CSF1R: variants seen among roughly 807,000 people sequenced by gnomAD.
The protein encoded by CSF1R is colony stimulating factor 1 receptor, also known as macrophage colony-stimulating factor 1 receptor.
A neutral mutation model predicts 110.0 loss-of-function variants in CSF1R; 40 were observed. The observed-to-expected ratio is 0.36, with a 90% CI of 0.28 to 0.47. CSF1R has a LOEUF of 0.47. Ranked by LOEUF, CSF1R falls within the 20% of genes least tolerant of loss-of-function variation. The pLI, the probability that CSF1R is intolerant of heterozygous loss-of-function variation, is 0.99. For synonymous variants in CSF1R, 523 were observed against 503.4 expected (o/e 1.04, Z -0.52); for missense variants, 1,052 against 1,253.0 (o/e 0.84, Z 2.42).
Position 150,054,081 on chromosome 5 carries a change from A to ATAGT in CSF1R, c.2903_2906dup (p.Tyr969Ter). 1 of 1,614,002 alleles carries ATAGT rather than the reference A, an allele frequency of 6.2e-7. No homozygotes were observed. The highest frequency in any genetic ancestry group is 8.5e-7 in the Non-Finnish European group (1 of 1,179,988). On this transcript the variant is annotated stop_gained and frameshift_variant, in exon 21 of 21. Coordinates refer to ENST00000675795, the MANE Select transcript of CSF1R (RefSeq NM_001288705.3). LOFTEE classifies it high-confidence loss of function. ...TGTCGTCAACTCCTCAGCAGAACTG[A>ATAGT]TAGTTGTTGGGCTGCAGCAAGGGCT...
chr5:150,078,745 AC>A (rs1331691593), intron 3 of CSF1R, among the ~76,000 whole-genome samples: 1 of 151,956 alleles, frequency 6.6e-6, no homozygotes, highest in Non-Finnish European at 1.5e-5. Flanking sequence ...CTTTCCTACC[AC>A]AGGGCCTTTG....
chr5:150,108,195 T>A (rs960501069), intron 1 of CSF1R, among the ~76,000 whole-genome samples: 4 of 152,132 alleles, frequency 2.6e-5, no homozygotes, highest in Admixed American at 2.6e-4. Flanking sequence ...TGAGGGCCCA[T>A]AAGAGGCACA....
At chr5:150,061,700 G>A (rs569839270) in intron 11 of CSF1R, 23 bp downstream of exon 11, 17 of 1,614,186 alleles carry the variant, frequency 1.1e-5, no homozygotes, top group African/African-American at 9.3e-5. Context: ...AGGAAGCTGT[G>A]GAGTGATGAG....
rs1414905861 is a variant in CSF1R at position 150,085,278 on chromosome 5, A to G, written c.49+1101T>C. ...TGACAGAGAGAGACTCTGTCTCAGG[A>G]AAAAAAAAAAAAAAACCCAAATACT... On this transcript the variant is annotated intron_variant, in intron 1 of 20. Transcript: ENST00000675795. Among the ~76,000 whole-genome samples the G allele has an allele frequency of 1.5e-4, 9 of 58,140 alleles. No individual in the cohort carries two copies. The East Asian group carries it at 1.6e-3, about 10-fold the overall frequency. 38.1% of individuals were successfully genotyped at this position (58,140 alleles called of 152,430 possible). A position where few individuals can be genotyped will look rare whatever the true frequency, so the allele number is the denominator to read the frequency against.
intron 1 of CSF1R, among the ~76,000 whole-genome samples, chr5:150,105,340 T>A (rs1343375052): frequency 2.3e-4 from 26 of 114,090 alleles, no homozygotes; most frequent in South Asian, 9.9e-4. Context: ...AGAGAGAGAC[T>A]CTGTCTCAAA....
At chr5:150,057,473 C>A (rs898751485) in intron 15 of CSF1R, 31 bp downstream of exon 15, 1 of 1,612,562 alleles carries the variant, frequency 6.2e-7, no homozygotes, top group Non-Finnish European at 8.5e-7. Flanking sequence ...TGTTATCAAG[C>A]AAATGGGGCC....
At position 150,080,905 on chromosome 5, in the gene CSF1R, G is replaced by T; in HGVS notation, c.169C>A (p.His57Asn). The T allele has an allele frequency of 6.2e-7, 1 of 1,614,186 alleles. No homozygotes were observed. The highest frequency in any genetic ancestry group is 8.5e-7 in the Non-Finnish European group (1 of 1,180,018). Residue 57 changes from histidine to asparagine, a missense_variant, in exon 2 of 21, where the codon CAC becomes AAC. Physicochemically the swap from His to Asn is moderately conservative, Grantham distance 68. Around this residue, in one of 5 missense-constraint regions of CSF1R, gnomAD observed 693 missense variants for 735.4 expected, o/e 0.94. Coordinates refer to ENST00000675795, the MANE Select transcript of CSF1R (RefSeq NM_001288705.3). ...SVEWDGPPSP[H>N]WTLYSDGSSS... is the part of the protein sequence containing the mutation. ...GAGCCATCAGAGTACAGGGTCCAGT[G>T]AGGTGATGGGGGGCCATCCCATTCC...
At chr5:150,058,432 A>G (rs1757349938) in intron 14 of CSF1R, among the ~76,000 whole-genome samples, 1 of 152,204 alleles carries the variant, frequency 6.6e-6, no homozygotes, top group Non-Finnish European at 1.5e-5. Context: ...GTGTTCCCAG[A>G]AGGAGAAACC....
intron 10 of CSF1R, among the ~76,000 whole-genome samples, chr5:150,064,548 T>C (rs1214454048): frequency 1.3e-5 from 2 of 152,186 alleles, no homozygotes; most frequent in Non-Finnish European, 2.9e-5. Context: ...ATCCTGCCCG[T>C]GGGTGCCTTC....
intron 1 of CSF1R, among the ~76,000 whole-genome samples, chr5:150,085,877 A>G (rs1361674034): frequency 6.6e-6 from 1 of 151,922 alleles, no homozygotes; most frequent in East Asian, 1.9e-4. Flanking sequence ...GGTCCTCCCA[A>G]CTCAGTGTAG....
chr5:150,057,010 GTC>G (rs1757248738), intron 16 of CSF1R, among the ~76,000 whole-genome samples: 1 of 152,084 alleles, frequency 6.6e-6, no homozygotes, highest in Non-Finnish European at 1.5e-5. Context: ...GACAACTGTT[GTC>G]TCTCATACAC....
chr5:150,054,986 G>A (rs1277891404), intron 19 of CSF1R, among the ~76,000 whole-genome samples: 1 of 131,094 alleles, frequency 7.6e-6, no homozygotes, highest in African/African-American at 3.2e-5. Flanking sequence ...AGAGCAAGAT[G>A]CTGTCTCAAA....
chr5:150,079,807 T>G (rs114652686), intron 3 of CSF1R, among the ~76,000 whole-genome samples: 1 of 152,262 alleles, frequency 6.6e-6, no homozygotes, highest in Non-Finnish European at 1.5e-5. Context: ...TTTTGTAGCA[T>G]GTCCAATGAC....
intron 1 of CSF1R, among the ~76,000 whole-genome samples, chr5:150,100,290 CTT>C (rs752638971): frequency 5.6e-5 from 5 of 89,348 alleles, no homozygotes; most frequent in African/African-American, 1.9e-4. Context: ...ATTGGCTAAC[CTT>C]TTTTTTTTTT....
rs752428788 is a variant in CSF1R at position 150,060,941 on chromosome 5, G to A, written c.1890C>T (p.Leu630=). The A allele has an allele frequency of 6.2e-7, 1 of 1,608,672 alleles. No homozygotes were observed. The highest frequency in any genetic ancestry group is 1.1e-5 in the South Asian group (1 of 89,598). ...STAHADEKEA[L]MSELKIMSHL... The stretch of plus-strand genomic sequence containing the variant: ...GGCTCATGATCTTCAGCTCGGACAT[G>A]AGGGCCTCCTTCTCATCAGCATGGG... The change falls in exon 13 of 21, where the codon CTC becomes CTT. Residue 630 remains leucine, a synonymous_variant. Coordinates refer to ENST00000675795, the MANE Select transcript of CSF1R (RefSeq NM_001288705.3).
rs1227287957 is a variant in CSF1R, at chr5:150,110,998, C to T, written c.-181+2263G>A. On this transcript the variant is annotated intron_variant, in intron 1 of 21. Transcript: ENST00000286301. ...GAAGCCACTTGCCTAAGCCAGAATC[C>T]ATGAGGTTCACGTGAAGTTATAGTT... 2.6e-5 allele frequency among the ~76,000 whole-genome samples: 4 copies of T among 151,896 alleles called. No individual in the cohort carries two copies. In the East Asian group the frequency reaches 7.7e-4, roughly 29 times the overall value.
At position 150,077,502 on chromosome 5, in the gene CSF1R, A is replaced by G. The variant is rs990155353; in HGVS notation, c.730-67T>C. On this transcript the variant is annotated intron_variant, in intron 4 of 20. Transcript: ENST00000675795. ...AGGGATTAGAAAGATCTGGGTTCCA[A>G]TCCTCAGCCTTTAAGGATTACTATC... 54 of 1,515,630 alleles carry G rather than the reference A, an allele frequency of 3.6e-5. No homozygotes were observed. In the Middle Eastern group the frequency reaches 1.7e-3, roughly 49 times the overall value. The allele number at this position is 1,515,630 out of a possible 1,614,324, so 93.9% of individuals were successfully genotyped here. A position where few individuals can be genotyped will look rare whatever the true frequency, so the allele number is the denominator to read the frequency against.
At chr5:150,054,481 G>A (rs1402949676) in intron 19 of CSF1R, 51 bp from the exon 20 acceptor site, 7 of 1,494,402 alleles carry the variant, frequency 4.7e-6, no homozygotes, top group South Asian at 1.2e-5. Context: ...GGGTCCAGGG[G>A]CCATTAACAC....
intron 1 of CSF1R, among the ~76,000 whole-genome samples, chr5:150,106,217 A>T (rs1382474812): frequency 1.3e-5 from 2 of 152,234 alleles, no homozygotes; most frequent in Admixed American, 1.3e-4. Flanking sequence ...CAAGAATCCC[A>T]GATTGACATT....
Sources: allele counts gnomAD v4.1 joint callset (sites outside exome capture counted in the v4.1 genomes callset), GRCh38; gene constraint gnomAD v4.1.1; regional missense constraint gnomAD v4.1.1; transcripts MANE v1.5; gene names NCBI Gene and HGNC (gene_info 2026-07-23, HGNC 2026-07-21).